The following RAD51AP2 variants were observed in gnomAD, a reference collection of about 807,000 sequenced individuals.
The protein encoded by RAD51AP2 is RAD51-associated protein 2.
A neutral mutation model predicts 85.5 loss-of-function variants in RAD51AP2; 67 were observed. The observed-to-expected ratio is 0.78, with a 90% confidence interval of 0.64 to 0.96. The LOEUF (loss-of-function observed/expected upper bound fraction) is 0.96, where lower values mean the gene tolerates loss of function less well. Among genes scored for constraint, RAD51AP2 ranks in the 40% least tolerant of loss-of-function variants. The probability of loss-of-function intolerance (pLI) is 0.00; values close to 1 mark genes in which losing one functional copy is unlikely to be tolerated. For synonymous variants in RAD51AP2, 474 were observed against 446.5 expected, an observed-to-expected ratio of 1.06 and a Z score of -0.78; for missense variants, 1,307 against 1,332.4, an observed-to-expected ratio of 0.98 and a Z score of 0.30.
the RAD51AP2 span, among the ~76,000 whole-genome samples, chr2:17,524,139 G>A: frequency 1.3e-5 from 2 of 151,884 alleles, no homozygotes; most frequent in Non-Finnish European, 2.9e-5. Context: ...CTATTTTTCA[G>A]CCTTATCTTC....
chr2:17,515,198 TC>T lies in RAD51AP2; in HGVS notation c.3217del (p.Glu1073LysfsTer35). ...NESCYPSRSE[E>X]ELLYSTSEKD... ...CTCAGAAGTAGAGTAAAGTAATTCT[TC>T]CTCTGATCTACTTGGATAACAACTC... On this transcript the variant is annotated frameshift_variant, in exon 1 of 3. Coordinates refer to ENST00000399080, the MANE Select transcript of RAD51AP2 (RefSeq NM_001099218.3). LOFTEE classifies it high-confidence loss of function. 6.3e-7 allele frequency: 1 copy of T among 1,582,948 alleles called. No homozygotes were observed. Among genetic ancestry groups the T allele is most frequent in the South Asian group, 1.2e-5 (1 of 84,796 alleles).
At chr2:17,532,820 T>C in the RAD51AP2 span, among the ~76,000 whole-genome samples, 1 of 152,238 alleles carries the variant, frequency 6.6e-6, no homozygotes, top group Non-Finnish European at 1.5e-5. Flanking sequence ...TCTAAAACAA[T>C]TTAGCCAGCA....
the RAD51AP2 span, among the ~76,000 whole-genome samples, chr2:17,535,367 C>T: frequency 6.6e-6 from 1 of 152,170 alleles, no homozygotes; most frequent in African/African-American, 2.4e-5. Context: ...AGAAAATGAT[C>T]TTGCATGCTG....
the RAD51AP2 span, among the ~76,000 whole-genome samples, chr2:17,535,605 T>C: frequency 0.011 from 1,604 of 152,092 alleles, 20 homozygotes; most frequent in African/African-American, 0.035. Context: ...GATGAGGAAT[T>C]AGAGAAATGG....
chr2:17,515,572 A>T lies in RAD51AP2; in HGVS notation c.2844T>A (p.Ala948=). The change falls in exon 1 of 3, where the codon GCT becomes GCA. Residue 948 remains alanine (A), a synonymous_variant. Coordinates refer to ENST00000399080, the MANE Select transcript of RAD51AP2 (RefSeq NM_001099218.3). ...GNDECFQDLA[A]KYLSTEALTI... ...TCAGAGCTTCTGTTGATAAATATTT[A>T]GCAGCTAAGTCCTGAAAACATTCAT... 1 of 1,608,472 alleles carries T rather than the reference A, an allele frequency of 6.2e-7. No homozygotes were observed. The highest frequency in any genetic ancestry group is 1.3e-5 in the African/African-American group (1 of 74,632).
chr2:17,516,763 T>C lies in RAD51AP2; in HGVS notation c.1653A>G (p.Ile551Met), dbSNP rs1250316544. Residue 551 changes from isoleucine to methionine, a missense_variant, in exon 1 of 3, where the codon ATA (isoleucine) becomes ATG (methionine). By Grantham distance (10) the Ile-to-Met change is conservative. Coordinates refer to ENST00000399080, the MANE Select transcript of RAD51AP2 (RefSeq NM_001099218.3). ...TTATATTTGTATTCATGTTTCTGGT[T>C]ATTAGATTTTGAATACCAATTATAC... ...QIGIIGIQNL[I>M]TRNMNTNIKN... The C allele has an allele frequency of 3.8e-6, 6 of 1,565,402 alleles. No homozygotes were observed. Among genetic ancestry groups the C allele is most frequent in the African/African-American group, 1.4e-5 (1 of 73,142 alleles).
At chr2:17,531,967 T>C in the RAD51AP2 span, among the ~76,000 whole-genome samples, 1 of 152,062 alleles carries the variant, frequency 6.6e-6, no homozygotes, top group Non-Finnish European at 1.5e-5. Context: ...AGACCACATC[T>C]AATAAGAAGC....
intron 2 of RAD51AP2, 36 bp downstream of exon 2, chr2:17,513,976 C>G (rs1414919678): frequency 9.3e-7 from 1 of 1,079,654 alleles, no homozygotes; most frequent in Non-Finnish European, 1.4e-6. Flanking sequence ...CAATAATCAT[C>G]TTAGAAGTTA....
In RAD51AP2 at chr2:17,517,331, T is replaced by C. The variant is rs1172013037; in HGVS notation, c.1085A>G (p.Asp362Gly). The C allele has an allele frequency of 3.1e-6, 5 of 1,613,804 alleles. No homozygotes were observed. Among genetic ancestry groups the C allele is most frequent in the East Asian group, 4.5e-5 (2 of 44,864 alleles). ...NCSSIQCNVR[D>G]SRKNFAILEN... ...TAGTATAGCGAAATTCTTTCTAGAG[T>C]CTCTTACATTACACTGGATACTACT... Residue 362 changes from aspartate (D) to glycine (G), a missense_variant, in exon 1 of 3, where the codon GAC becomes GGC. Coordinates refer to ENST00000399080, the MANE Select transcript of RAD51AP2 (RefSeq NM_001099218.3).
chr2:17,524,503 G>A, the RAD51AP2 span, among the ~76,000 whole-genome samples: 1 of 151,868 alleles, frequency 6.6e-6, no homozygotes, highest in Non-Finnish European at 1.5e-5. Context: ...AGTCTTAAAG[G>A]TTATATTCAT....
Position 17,518,130 on chromosome 2 carries a change from CACTG to C in RAD51AP2, c.282_285del (p.Ser95GlyfsTer7). The stretch of plus-strand genomic sequence containing the variant: ...CATTTCAGATTACATATCTGCTTCC[CACTG>C]ACTGATTTCTCCACACACGAGTCTG... On this transcript the variant is annotated frameshift_variant, in exon 1 of 3. Coordinates refer to ENST00000399080, the MANE Select transcript of RAD51AP2 (RefSeq NM_001099218.3). LOFTEE classifies it high-confidence loss of function. 1 of 1,614,186 alleles carries C rather than the reference CACTG, an allele frequency of 6.2e-7. No individual in the cohort carries two copies. Among genetic ancestry groups the C allele is most frequent in the Non-Finnish European group, 8.5e-7 (1 of 1,180,040 alleles).
the RAD51AP2 span, among the ~76,000 whole-genome samples, chr2:17,534,031 A>G: frequency 2.6e-5 from 4 of 152,208 alleles, no homozygotes; most frequent in Non-Finnish European, 5.9e-5. Flanking sequence ...ACTCCATAGG[A>G]TTTTCCAATA....
upstream of RAD51AP2, among the ~76,000 whole-genome samples, chr2:17,521,189 T>C (rs78038820): frequency 0.08 from 12,135 of 152,186 alleles, 694 homozygotes; most frequent in Non-Finnish European, 0.12. Context: ...ATTCATGGTG[T>C]CTTGAAAGTG....
At chr2:17,531,837 C>G in the RAD51AP2 span, among the ~76,000 whole-genome samples, 1 of 152,306 alleles carries the variant, frequency 6.6e-6, no homozygotes, top group African/African-American at 2.4e-5. Flanking sequence ...AACTTATTAT[C>G]CAGAATTTCT....
chr2:17,510,656 G>T lies in RAD51AP2; in HGVS notation c.*148C>A. ...AATCCATAAAATATTTTATAACTTT[G>T]AAAGGTAATACCATAATTTATACAC... On this transcript the variant is annotated 3_prime_UTR_variant, in exon 3 of 3. Transcript: ENST00000399080. The T allele has an allele frequency of 4.6e-6, 2 of 437,028 alleles. No homozygotes were observed. The highest frequency in any genetic ancestry group is 4.0e-6 in the Non-Finnish European group (1 of 250,256). The allele number at this position is 437,028 out of a possible 1,614,324, so 27.1% of individuals were successfully genotyped here.
At chr2:17,526,436 T>C in the RAD51AP2 span, among the ~76,000 whole-genome samples, 4,473 of 152,126 alleles carry the variant, frequency 0.029, 65 homozygotes, top group Middle Eastern at 0.054. Context: ...TTTCTACTTT[T>C]ACACTCCAAA....
chr2:17,516,002 T>A lies in RAD51AP2; in HGVS notation c.2414A>T (p.Glu805Val). 2 of 1,613,742 alleles carry A rather than the reference T, an allele frequency of 1.2e-6. No homozygotes were observed. Among genetic ancestry groups the A allele is most frequent in the Non-Finnish European group, 1.7e-6 (2 of 1,179,814 alleles). The change falls in exon 1 of 3, where the codon GAG becomes GTG. Residue 805 changes from glutamate (E) to valine (V), a missense_variant. Physicochemically the swap from Glu to Val is moderately radical, Grantham distance 121. This residue lies in a region of RAD51AP2 where 668 missense variants were observed against 671.0 expected (regional missense o/e 1.00). Transcript: ENST00000399080. ...PASHNIIHNE[E>V]THTTSITQVL... ...TTGAGTTATAGAAGTGGTATGGGTCTCTTCATTATGTATTATGTTGTGGCT... is the reference window on the plus strand; with the variant it reads ...TTGAGTTATAGAAGTGGTATGGGTCACTTCATTATGTATTATGTTGTGGCT...
At chr2:17,519,265 G>GTT (rs550904037), upstream of RAD51AP2, among the ~76,000 whole-genome samples, 2 of 142,726 alleles carry the variant, frequency 1.4e-5, no homozygotes, top group Admixed American at 7.0e-5. Flanking sequence ...GCTATTTCTT[G>GTT]TTTTTTTTTT....
the RAD51AP2 span, among the ~76,000 whole-genome samples, chr2:17,531,565 G>T: frequency 2.6e-5 from 4 of 152,090 alleles, no homozygotes; most frequent in Non-Finnish European, 5.9e-5. Flanking sequence ...TCTAATTTCA[G>T]AATATTGTTT....
Sources: allele counts gnomAD v4.1 joint callset (sites outside exome capture counted in the v4.1 genomes callset), GRCh38; gene constraint gnomAD v4.1.1; regional missense constraint gnomAD v4.1.1; transcripts MANE v1.5; gene names NCBI Gene and HGNC (gene_info 2026-07-23, HGNC 2026-07-21).